The following ROCK1 variants were observed in gnomAD, a reference collection of about 807,000 sequenced individuals.
ROCK1 encodes the protein Rho associated coiled-coil containing protein kinase 1, also known as rho-associated protein kinase 1.
ROCK1 carries 36 observed loss-of-function variants against 196.8 expected under a neutral mutation model. The observed-to-expected ratio is 0.18, with a 90% CI of 0.14 to 0.24. The LOEUF (loss-of-function observed/expected upper bound fraction) is 0.24, where lower values mean the gene tolerates loss of function less well. ROCK1 is among the 10% of genes least tolerant of loss of function. The pLI is 1.00. For missense variants in ROCK1, 920 were observed against 1,562.0 expected (o/e 0.59, Z 6.93); for synonymous variants, 443 against 515.9 (o/e 0.86, Z 1.91).
chr18:21,032,855 G>C (rs2036021656), intron 9 of ROCK1, among the ~76,000 whole-genome samples: 1 of 151,842 alleles, frequency 6.6e-6, no homozygotes, highest in African/African-American at 2.4e-5. Context: ...AGATGAAATA[G>C]AGACATTCCT....
chr18:21,009,320 G>GTT lies in ROCK1; in HGVS notation c.1411-1128_1411-1127dup, dbSNP rs1254074734. 3.5e-5 allele frequency among the ~76,000 whole-genome samples: 5 copies of GTT among 140,994 alleles called. No individual in the cohort carries two copies. The East Asian group carries it at 8.2e-4, about 23-fold the overall frequency. The allele number at this position is 140,994 out of a possible 152,430, so 92.5% of individuals were successfully genotyped here. On this transcript the variant is annotated intron_variant, in intron 13 of 32. Coordinates refer to ENST00000399799, the MANE Select transcript of ROCK1 (RefSeq NM_005406.3). ...GAGTCACCGCGCCTGGCCAAGACAG[G>GTT]TTTTTTTTTTTTTTAACTCAACATA...
intron 16 of ROCK1, among the ~76,000 whole-genome samples, chr18:20,999,248 T>C (rs1034408796): frequency 6.6e-6 from 1 of 151,260 alleles, no homozygotes; most frequent in Non-Finnish European, 1.5e-5. Flanking sequence ...AAATATAAAA[T>C]TTACAAAAAG....
intron 1 of ROCK1, among the ~76,000 whole-genome samples, chr18:21,107,673 G>A (rs2036714354): frequency 6.6e-6 from 1 of 152,180 alleles, no homozygotes; most frequent in Non-Finnish European, 1.5e-5. Flanking sequence ...ACGAACGAAT[G>A]CTCAATGTTA....
At chr18:21,057,596 C>T (rs184372196) in intron 2 of ROCK1, among the ~76,000 whole-genome samples, 54 of 152,212 alleles carry the variant, frequency 3.5e-4, no homozygotes, top group African/African-American at 1.3e-3. Context: ...CCAAGGCAGG[C>T]GGATTGCTTG....
chr18:21,011,066 T>C (rs1265260261), intron 13 of ROCK1, among the ~76,000 whole-genome samples: 1 of 152,200 alleles, frequency 6.6e-6, no homozygotes, highest in Non-Finnish European at 1.5e-5. Flanking sequence ...TATATTGTTA[T>C]ATTTGAAGAG....
chr18:21,044,070 G>T, intron 6 of ROCK1, 32 bp downstream of exon 6: 1 of 1,377,886 alleles, frequency 7.3e-7, no homozygotes, highest in Non-Finnish European at 1.0e-6. Context: ...CCTTGAATTA[G>T]CAAAAACTAA....
chr18:21,024,592 C>A (rs1167597255), intron 10 of ROCK1, among the ~76,000 whole-genome samples: 1 of 152,056 alleles, frequency 6.6e-6, no homozygotes, highest in Non-Finnish European at 1.5e-5. Context: ...CTATTGGAGG[C>A]ATGTGTTAAC....
intron 22 of ROCK1, among the ~76,000 whole-genome samples, chr18:20,974,289 G>C (rs2035458825): frequency 6.6e-6 from 1 of 152,206 alleles, no homozygotes; most frequent in Non-Finnish European, 1.5e-5. Flanking sequence ...TTTCTTAGGA[G>C]AGTAGTAGAG....
intron 32 of ROCK1, among the ~76,000 whole-genome samples, chr18:20,952,903 C>A (rs1220063026): frequency 6.6e-6 from 1 of 151,954 alleles, no homozygotes; most frequent in African/African-American, 2.4e-5. Flanking sequence ...GGTTCTCACT[C>A]GTAAGTGGGA....
At chr18:20,958,295 C>G (rs1247285811) in intron 29 of ROCK1, among the ~76,000 whole-genome samples, 2 of 151,994 alleles carry the variant, frequency 1.3e-5, no homozygotes, top group Non-Finnish European at 2.9e-5. Context: ...TAACCAGCTC[C>G]ACAAATACTT....
intron 2 of ROCK1, among the ~76,000 whole-genome samples, chr18:21,068,614 T>A (rs1462357341): frequency 6.6e-6 from 1 of 152,210 alleles, no homozygotes; most frequent in Admixed American, 6.5e-5. Flanking sequence ...ATTGAATATC[T>A]TGTTAGGTCT....
intron 1 of ROCK1, among the ~76,000 whole-genome samples, chr18:21,108,388 C>T (rs977106154): frequency 1.3e-5 from 2 of 152,170 alleles, no homozygotes; most frequent in African/African-American, 4.8e-5. Context: ...TATCAACTTG[C>T]ACCTTTGTGC....
chr18:20,987,821 A>G (rs2035590306), intron 18 of ROCK1, among the ~76,000 whole-genome samples: 1 of 152,198 alleles, frequency 6.6e-6, no homozygotes, highest in Non-Finnish European at 1.5e-5. Flanking sequence ...CCAAACTTAC[A>G]AACTTAGCTG....
intron 2 of ROCK1, among the ~76,000 whole-genome samples, chr18:21,056,349 T>C (rs750767904): frequency 5.3e-5 from 8 of 152,192 alleles, no homozygotes; most frequent in Non-Finnish European, 1.2e-4. Flanking sequence ...ACCCAAAACT[T>C]ATACCTATGT....
chr18:21,048,280 T>G (rs1279514244), intron 4 of ROCK1, among the ~76,000 whole-genome samples: 1 of 152,186 alleles, frequency 6.6e-6, no homozygotes, highest in Non-Finnish European at 1.5e-5. Flanking sequence ...AAGACAAGTA[T>G]TATTTGGTGA....
chr18:21,063,295 A>G (rs1270375605), intron 2 of ROCK1, among the ~76,000 whole-genome samples: 1 of 152,192 alleles, frequency 6.6e-6, no homozygotes, highest in Non-Finnish European at 1.5e-5. Flanking sequence ...AGTCATACAA[A>G]TAAATATAAC....
intron 16 of ROCK1, among the ~76,000 whole-genome samples, chr18:20,993,193 T>C (rs2035641116): frequency 6.6e-6 from 1 of 152,194 alleles, no homozygotes; most frequent in Non-Finnish European, 1.5e-5. Context: ...AGAAATCAGA[T>C]CCAAGTCCTT....
Position 21,092,011 on chromosome 18 carries a change from T to C in ROCK1, c.93+18807A>G, listed in dbSNP as rs73433124. 7.8e-3 allele frequency among the ~76,000 whole-genome samples: 1,181 copies of C among 152,064 alleles called. 87 individuals are homozygous for C. In the East Asian group the frequency reaches 0.18, roughly 23 times the overall value. On this transcript the variant is annotated intron_variant, in intron 1 of 32. Transcript: ENST00000399799. ...TAAATAAAATAAAAAACTGTTAAAT[T>C]TGGGGAGGAGTCAAAGTTACATGCA...
rs549882349 is a variant in ROCK1, at chr18:20,973,497, C to T, written c.2655-2984G>A. 5.3e-5 allele frequency among the ~76,000 whole-genome samples: 8 copies of T among 151,718 alleles called. No homozygotes were observed. In the South Asian group the frequency reaches 6.3e-4, roughly 12 times the overall value. On this transcript the variant is annotated intron_variant, in intron 22 of 32. Coordinates refer to ENST00000399799, the MANE Select transcript of ROCK1 (RefSeq NM_005406.3). The stretch of plus-strand genomic sequence containing the variant: ...TTCACCGTGTTAGCCAGGCTGGTAG[C>T]GAACTCTTGACCCAAGTGATCCACC...
Sources: gnomAD v4.1 joint callset for allele counts (sites outside exome capture counted in the v4.1 genomes callset) on GRCh38, gnomAD v4.1.1 for gene constraint, MANE v1.5 for transcripts, NCBI Gene and HGNC (gene_info 2026-07-23, HGNC 2026-07-21) for gene names.